Variants in ASAP2 observed in about 807,000 individuals in gnomAD.
ASAP2 encodes the protein ArfGAP with SH3 domain, ankyrin repeat and PH domain 2, also known as arf-GAP with SH3 domain, ANK repeat and PH domain-containing protein 2.
Under a neutral mutation model 131.4 loss-of-function variants are expected in ASAP2, and 45 were observed. The ratio of observed to expected loss-of-function variants is 0.34; its 90% CI spans 0.27 to 0.44. ASAP2 has a LOEUF of 0.44. ASAP2 is among the 20% of genes least tolerant of loss of function. The pLI, the probability that ASAP2 is intolerant of heterozygous loss-of-function variation, is 1.00. For missense variants in ASAP2, 1,011 were observed against 1,297.0 expected (o/e 0.78, Z 3.39); for synonymous variants, 510 against 503.0 (o/e 1.01, Z -0.19).
At chr2:9,368,576 C>G (rs76991702) in intron 16 of ASAP2, 57 bp downstream of exon 16, 2 of 1,478,060 alleles carry the variant, frequency 1.4e-6, no homozygotes, top group Admixed American at 3.4e-5. Context: ...TTTGCCCGAG[C>G]CCCGGGAGGC....
At chr2:9,274,028 C>G (rs931871044) in intron 1 of ASAP2, among the ~76,000 whole-genome samples, 1 of 152,216 alleles carries the variant, frequency 6.6e-6, no homozygotes, top group African/African-American at 2.4e-5. Flanking sequence ...TGAACAAGGA[C>G]AGCTTGGAGG....
In ASAP2 at chr2:9,369,900, G is replaced by T. The variant is rs1310313886; in HGVS notation, c.1556+1381G>T. On this transcript the variant is annotated intron_variant, in intron 16 of 27. Transcript: ENST00000281419. Reference sequence around the variant, plus strand: ...CCTCTTGCCCAGGCTGGAGTGCAATGATGTGATCTCGGCTCACTGCAGCAT... The same window carrying T: ...CCTCTTGCCCAGGCTGGAGTGCAATTATGTGATCTCGGCTCACTGCAGCAT... Among the ~76,000 whole-genome samples, 4 of 152,282 alleles carry T rather than the reference G, an allele frequency of 2.6e-5. No individual in the cohort carries two copies. The East Asian group carries it at 5.8e-4, about 22-fold the overall frequency.
intron 1 of ASAP2, among the ~76,000 whole-genome samples, chr2:9,262,893 G>A (rs1284469323): frequency 1.3e-5 from 2 of 152,176 alleles, no homozygotes; most frequent in African/African-American, 2.4e-5. Flanking sequence ...AAGAAAACTC[G>A]GCTATCTTAC....
At chr2:9,228,941 C>T (rs890563216) in intron 1 of ASAP2, among the ~76,000 whole-genome samples, 5 of 152,164 alleles carry the variant, frequency 3.3e-5, no homozygotes, top group South Asian at 2.1e-4. Flanking sequence ...GCACCCCTCA[C>T]GGGCCAACTC....
chr2:9,392,985 C>T lies in ASAP2; in HGVS notation c.2519-497C>T, dbSNP rs1675839091. The stretch of plus-strand genomic sequence containing the variant: ...GTAGACACTAAGAAAGCTCTTCACC[C>T]ACCCACTCCGGAGACTGAGGAGCCG... On this transcript the variant is annotated intron_variant, in intron 23 of 27. Coordinates refer to ENST00000281419, the MANE Select transcript of ASAP2 (RefSeq NM_003887.3). This position sits in a 1 kb window ranked among gnomAD's most constrained non-coding sequence, Gnocchi z 4.0. Among the ~76,000 whole-genome samples the T allele has an allele frequency of 6.6e-6, 1 of 152,210 alleles. No homozygotes were observed. Among genetic ancestry groups the T allele is most frequent in the Non-Finnish European group, 1.5e-5 (1 of 68,054 alleles).
chr2:9,287,335 A>C (rs1667530004), intron 2 of ASAP2, among the ~76,000 whole-genome samples: 1 of 152,262 alleles, frequency 6.6e-6, no homozygotes, highest in Admixed American at 6.5e-5. Context: ...AAGGTGAGCC[A>C]CACATGACCT....
intron 1 of ASAP2, among the ~76,000 whole-genome samples, chr2:9,253,929 C>T (rs544881231): frequency 2.0e-4 from 30 of 151,820 alleles, no homozygotes; most frequent in African/African-American, 1.9e-4. Flanking sequence ...TATTGTTGGC[C>T]GGGCACGGTG....
intron 1 of ASAP2, among the ~76,000 whole-genome samples, chr2:9,250,078 A>G (rs1013755141): frequency 2.6e-5 from 4 of 152,206 alleles, no homozygotes; most frequent in African/African-American, 9.7e-5. Flanking sequence ...CATCTGTAAC[A>G]TGAGGAAAAT....
chr2:9,315,293 G>A (rs1267930875), intron 3 of ASAP2, among the ~76,000 whole-genome samples: 1 of 152,222 alleles, frequency 6.6e-6, no homozygotes, highest in Admixed American at 6.5e-5. Flanking sequence ...CTAGGAAGCG[G>A]CAGCAGGGAG....
intron 1 of ASAP2, chr2:9,271,334 A>T (rs1047349066): frequency 1.9e-6 from 2 of 1,062,988 alleles, no homozygotes; most frequent in Admixed American, 1.7e-5. Flanking sequence ...TCCAAGCTCT[A>T]CGAGGAACTG....
chr2:9,400,221 C>T (rs1676518580), intron 25 of ASAP2, 149 bp downstream of exon 25: 1 of 684,616 alleles, frequency 1.5e-6, no homozygotes, highest in Non-Finnish European at 2.4e-6. Flanking sequence ...CTGCCCCCTC[C>T]CCTCCTGCCC....
At chr2:9,371,060 G>T (rs1395885974) in intron 16 of ASAP2, among the ~76,000 whole-genome samples, 2 of 152,158 alleles carry the variant, frequency 1.3e-5, no homozygotes, top group African/African-American at 4.8e-5. Flanking sequence ...TTGTTCTGGG[G>T]CTAGGCGATT....
intron 15 of ASAP2, among the ~76,000 whole-genome samples, chr2:9,365,866 C>T (rs907892437): frequency 1.1e-4 from 17 of 152,168 alleles, no homozygotes; most frequent in Non-Finnish European, 2.1e-4. Context: ...AGAGTGTGCT[C>T]CTGAGGCCAC....
chr2:9,364,861 C>T (rs1673341975), intron 15 of ASAP2, among the ~76,000 whole-genome samples: 2 of 152,160 alleles, frequency 1.3e-5, no homozygotes, highest in Non-Finnish European at 2.9e-5. Context: ...GTTCTACGTA[C>T]ACTGTATTAT....
chr2:9,307,147 T>C (rs931019512), intron 3 of ASAP2, among the ~76,000 whole-genome samples: 4 of 152,110 alleles, frequency 2.6e-5, no homozygotes, highest in Admixed American at 6.5e-5. Flanking sequence ...CCAGCTGGAG[T>C]GCATCAGCAT....
In ASAP2 at chr2:9,370,609, G is replaced by A. The variant is rs966782616; in HGVS notation, c.1556+2090G>A. Among the ~76,000 whole-genome samples, 6 of 152,270 alleles carry A rather than the reference G, an allele frequency of 3.9e-5. 1 individual carries two copies. The highest frequency in any genetic ancestry group is 4.2e-4 in the South Asian group (2 of 4,816). Reference sequence around the variant, plus strand: ...TCTGTAATAAAAAAAGGGAGATAACGTTCCCCCTCACAGAGGCATTGGGGG... The same window carrying A: ...TCTGTAATAAAAAAAGGGAGATAACATTCCCCCTCACAGAGGCATTGGGGG... On this transcript the variant is annotated intron_variant, in intron 16 of 27. Transcript: ENST00000281419.
chr2:9,372,803 C>T (rs1027957426), intron 16 of ASAP2, among the ~76,000 whole-genome samples: 3 of 152,062 alleles, frequency 2.0e-5, no homozygotes, highest in South Asian at 2.1e-4. Context: ...GACGCAGTCA[C>T]ACCCACGTCC....
intron 1 of ASAP2, among the ~76,000 whole-genome samples, chr2:9,254,670 G>A (rs750003034): frequency 1.3e-5 from 2 of 150,454 alleles, no homozygotes; most frequent in Non-Finnish European, 3.0e-5. Context: ...CACCGTCCCC[G>A]GCCTATAAAC....
At chr2:9,226,841 G>A (rs1001515694) in intron 1 of ASAP2, among the ~76,000 whole-genome samples, 37 of 152,148 alleles carry the variant, frequency 2.4e-4, no homozygotes, top group African/African-American at 8.7e-4. Flanking sequence ...CTCACCCAGG[G>A]ACCAGAAAGG....
Sources: gnomAD v4.1 joint callset for allele counts (sites outside exome capture counted in the v4.1 genomes callset) on GRCh38, gnomAD v4.1.1 for gene constraint, Gnocchi (gnomAD v3.1) non-coding constraint, MANE v1.5 for transcripts, NCBI Gene and HGNC (gene_info 2026-07-23, HGNC 2026-07-21) for gene names.